Variants in EPHA6 observed in about 807,000 individuals in gnomAD.
EPHA6 encodes ephrin type-A receptor 6.
In EPHA6, 50 loss-of-function variants were observed where a neutral mutation model predicts 112.0. The observed-to-expected ratio is 0.45, with a 90% CI of 0.36 to 0.56. The LOEUF (loss-of-function observed/expected upper bound fraction) is 0.56, where lower values mean the gene tolerates loss of function less well. Ranked by LOEUF, EPHA6 falls within the 20% of genes least tolerant of loss-of-function variation. EPHA6 has a pLI of 0.00. For missense variants in EPHA6, 1,280 were observed against 1,417.4 expected, an observed-to-expected ratio of 0.90 and a Z score of 1.56; for synonymous variants, 529 against 490.7, an observed-to-expected ratio of 1.08 and a Z score of -1.03.
At chr3:97,635,133 A>G (rs2093934839) in intron 13 of EPHA6, among the ~76,000 whole-genome samples, 1 of 152,076 alleles carries the variant, frequency 6.6e-6, no homozygotes, top group Non-Finnish European at 1.5e-5. Flanking sequence ...TATTATGAAA[A>G]TAATTTTGAC....
At chr3:97,011,697 G>C (rs2044090741) in intron 3 of EPHA6, among the ~76,000 whole-genome samples, 1 of 152,148 alleles carries the variant, frequency 6.6e-6, no homozygotes, top group Non-Finnish European at 1.5e-5. Context: ...TGCTGGTTTT[G>C]TGGGTATATT....
At chr3:97,164,631 T>C (rs150569565) in intron 3 of EPHA6, among the ~76,000 whole-genome samples, 56 of 152,246 alleles carry the variant, frequency 3.7e-4, no homozygotes, top group African/African-American at 1.3e-3. Flanking sequence ...TTCAATTATA[T>C]CTTCAAATAA....
At chr3:96,979,501 C>A (rs1383197608) in intron 2 of EPHA6, among the ~76,000 whole-genome samples, 3 of 152,126 alleles carry the variant, frequency 2.0e-5, no homozygotes, top group Non-Finnish European at 4.4e-5. Flanking sequence ...AATAGTGCCA[C>A]AATAAACATA....
At chr3:97,168,472 A>T (rs894190437) in intron 3 of EPHA6, among the ~76,000 whole-genome samples, 3 of 151,788 alleles carry the variant, frequency 2.0e-5, no homozygotes, top group African/African-American at 7.3e-5. Flanking sequence ...AAAATTGTGT[A>T]GCACCTTCCC....
At chr3:96,906,832 A>G (rs2038959979) in intron 2 of EPHA6, among the ~76,000 whole-genome samples, 1 of 151,958 alleles carries the variant, frequency 6.6e-6, no homozygotes, top group South Asian at 2.1e-4. Flanking sequence ...TATAGGAGAA[A>G]CCAGACCAAG....
At chr3:97,648,420 GA>G in intron 14 of EPHA6, 1 of 1,489,802 alleles carries the variant, frequency 6.7e-7, no homozygotes, top group Non-Finnish European at 8.9e-7. Context: ...GAAGCAGCAT[GA>G]GGGGAAGGTA....
At chr3:97,299,667 A>T (rs2081016104) in intron 5 of EPHA6, among the ~76,000 whole-genome samples, 1 of 152,170 alleles carries the variant, frequency 6.6e-6, no homozygotes, top group African/African-American at 2.4e-5. Flanking sequence ...TATATTTGTA[A>T]GATTTGATGA....
intron 3 of EPHA6, among the ~76,000 whole-genome samples, chr3:97,191,576 ACTAT>A (rs1172782572): frequency 6.6e-6 from 1 of 151,986 alleles, no homozygotes; most frequent in Non-Finnish European, 1.5e-5. Flanking sequence ...GCCAAATTTG[ACTAT>A]CTGTGTCTGG....
At chr3:97,466,738 C>G (rs937187893) in intron 7 of EPHA6, among the ~76,000 whole-genome samples, 46 of 151,890 alleles carry the variant, frequency 3.0e-4, no homozygotes, top group Admixed American at 1.2e-3. Context: ...TGACTGGAGT[C>G]AGTTTCAGTT....
intron 5 of EPHA6, among the ~76,000 whole-genome samples, chr3:97,389,674 A>G (rs932166463): frequency 1.3e-5 from 2 of 152,210 alleles, no homozygotes; most frequent in Non-Finnish European, 2.9e-5. Flanking sequence ...GAAAGATTAT[A>G]TAGCACAACA....
intron 3 of EPHA6, among the ~76,000 whole-genome samples, chr3:97,024,097 A>G (rs1005848282): frequency 1.3e-5 from 2 of 152,162 alleles, no homozygotes; most frequent in African/African-American, 4.8e-5. Flanking sequence ...AAGTCCTAAT[A>G]CAAATAAATA....
chr3:97,719,104 C>A (rs1184421306), intron 14 of EPHA6, among the ~76,000 whole-genome samples: 1 of 129,760 alleles, frequency 7.7e-6, no homozygotes, highest in African/African-American at 2.7e-5. Context: ...CCCCCCACCC[C>A]CCCCGCCGCG....
At chr3:96,839,307 G>A (rs1056629073) in intron 1 of EPHA6, among the ~76,000 whole-genome samples, 12 of 151,536 alleles carry the variant, frequency 7.9e-5, no homozygotes, top group East Asian at 3.9e-4. Context: ...TCATAGGAGC[G>A]TGAACCCTAT....
Position 96,987,586 on chromosome 3 carries a change from C to G in EPHA6, c.707C>G (p.Pro236Arg), listed in dbSNP as rs956896277. Residue 236 changes from proline to arginine, a missense_variant, in exon 3 of 18, where the codon CCA becomes CGA. Physicochemically the swap from Pro to Arg is moderately radical, Grantham distance 103. Around this residue, in one of 4 missense-constraint regions of EPHA6, gnomAD observed 878 missense variants for 999.7 expected, o/e 0.88. Transcript: ENST00000389672. The part of the protein sequence containing the change: ...SDESHGIKFK[P>R]NQYTKIDTIA... ...GAGTCCCACGGAATTAAATTCAAGC[C>G]AAACCAGTATACAAAGATCGACACA... 6.2e-7 allele frequency: 1 copy of G among 1,613,874 alleles called. No individual in the cohort carries two copies. Among genetic ancestry groups the G allele is most frequent in the African/African-American group, 1.3e-5 (1 of 75,014 alleles).
chr3:97,430,848 C>T (rs2107231234), intron 6 of EPHA6, among the ~76,000 whole-genome samples: 1 of 152,192 alleles, frequency 6.6e-6, no homozygotes, highest in Non-Finnish European at 1.5e-5. Flanking sequence ...CCTTACTGAG[C>T]TGTTAATAGC....
At chr3:96,973,886 G>A (rs1206931336) in intron 2 of EPHA6, among the ~76,000 whole-genome samples, 1 of 143,048 alleles carries the variant, frequency 7.0e-6, no homozygotes, top group African/African-American at 2.5e-5. Context: ...GATAGATTCT[G>A]TATATTATAT....
intron 3 of EPHA6, among the ~76,000 whole-genome samples, chr3:97,142,271 A>G (rs909764988): frequency 6.6e-6 from 1 of 152,004 alleles, no homozygotes; most frequent in African/African-American, 2.4e-5. Context: ...AACAGTTTTT[A>G]TATTTTATTT....
chr3:96,866,893 A>C lies in EPHA6; in HGVS notation c.450+4A>C. On this transcript the variant is annotated splice_donor_region_variant and intron_variant, in intron 2 of 17. Transcript: ENST00000389672. ...GAAAACATATCCATTAAATGGGGTA[A>C]GTTTAAATATCTGAAAAATTGCTGT... 6.9e-7 allele frequency: 1 copy of C among 1,452,388 alleles called. No individual in the cohort carries two copies. The highest frequency in any genetic ancestry group is 9.2e-7 in the Non-Finnish European group (1 of 1,091,524). The allele number at this position is 1,452,388 out of a possible 1,614,324, so 90.0% of individuals were successfully genotyped here. A position where few individuals can be genotyped will look rare whatever the true frequency, so the allele number is the denominator to read the frequency against.
chr3:96,957,756 T>G (rs76262144), intron 2 of EPHA6, among the ~76,000 whole-genome samples: 4,278 of 152,326 alleles, frequency 0.028, 198 homozygotes, highest in African/African-American at 0.095. Flanking sequence ...GACCCACATG[T>G]ATTGAAAACA....
Sources: allele counts gnomAD v4.1 joint callset (sites outside exome capture counted in the v4.1 genomes callset), GRCh38; gene constraint gnomAD v4.1.1; regional missense constraint gnomAD v4.1.1; transcripts MANE v1.5; gene names NCBI Gene and HGNC (gene_info 2026-07-23, HGNC 2026-07-21).